Variants in DCDC1 observed in about 807,000 individuals in gnomAD.
DCDC1 encodes the protein doublecortin domain-containing protein 1.
A neutral mutation model predicts 178.3 loss-of-function variants in DCDC1; 200 were observed. That is an observed-to-expected ratio of 1.12 (90% CI 1.00 to 1.26). The LOEUF (loss-of-function observed/expected upper bound fraction) is 1.26. DCDC1 is among the 50% of genes most tolerant of loss of function. DCDC1 has a pLI of 0.00. For synonymous variants in DCDC1, 690 were observed against 604.8 expected (o/e 1.14, Z -2.07); for missense variants, 1,983 against 1,749.2 (o/e 1.13, Z -2.38).
chr11:31,029,613 A>G (rs931293557), intron 20 of DCDC1, among the ~76,000 whole-genome samples: 2 of 152,068 alleles, frequency 1.3e-5, no homozygotes, highest in Admixed American at 6.5e-5. Context: ...TTCTTCTCTC[A>G]CTACTATAAA....
intron 9 of DCDC1, among the ~76,000 whole-genome samples, chr11:31,173,885 T>A (rs1455071200): frequency 1.3e-5 from 2 of 152,140 alleles, no homozygotes; most frequent in Non-Finnish European, 2.9e-5. Context: ...TCATGTGCTG[T>A]CTGTCTAAAT....
intron 20 of DCDC1, 122 bp from the exon 21 acceptor site, chr11:30,952,690 C>T (rs1187477761): frequency 1.4e-5 from 6 of 415,158 alleles, no homozygotes; most frequent in Non-Finnish European, 2.1e-5. Flanking sequence ...AATTAAAAAC[C>T]CAAATCTGAA....
intron 9 of DCDC1, among the ~76,000 whole-genome samples, chr11:31,186,221 C>T (rs1452340028): frequency 2.6e-5 from 4 of 152,164 alleles, no homozygotes; most frequent in Non-Finnish European, 5.9e-5. Context: ...GCCCTCTCCA[C>T]TCTCTCCAAC....
rs189851046 is a variant in DCDC1 at position 30,924,401 on chromosome 11, G to A, written c.2997+908C>T. On this transcript the variant is annotated intron_variant, in intron 23 of 38. Coordinates refer to ENST00000684477, the MANE Select transcript of DCDC1 (RefSeq NM_001387274.1). ...TTCAGGGCCTCAGTTGAGTTCTGACGAAATGGTAGAAGCTTTGTTCTCTGT... is the reference window on the plus strand; with the variant it reads ...TTCAGGGCCTCAGTTGAGTTCTGACAAAATGGTAGAAGCTTTGTTCTCTGT... Among the ~76,000 whole-genome samples the A allele has an allele frequency of 1.2e-3, 186 of 152,220 alleles. 1 individual carries two copies. The highest frequency in any genetic ancestry group is 1.8e-3 in the Non-Finnish European group (123 of 68,008).
At chr11:31,160,415 A>G (rs1966204979) in intron 9 of DCDC1, among the ~76,000 whole-genome samples, 1 of 152,188 alleles carries the variant, frequency 6.6e-6, no homozygotes, top group Non-Finnish European at 1.5e-5. Context: ...TAAATGTTAC[A>G]TGCTTCAGCA....
At chr11:31,198,533 G>A (rs1243199510) in intron 9 of DCDC1, among the ~76,000 whole-genome samples, 1 of 151,872 alleles carries the variant, frequency 6.6e-6, no homozygotes, top group Non-Finnish European at 1.5e-5. Context: ...GATATAGCAG[G>A]GAGCTAAACC....
rs1272331649 is a variant in DCDC1 at position 30,905,069 on chromosome 11, A to T, written c.4200T>A (p.Ser1400=). 1 of 1,613,814 alleles carries T rather than the reference A, an allele frequency of 6.2e-7. No individual in the cohort carries two copies. Among genetic ancestry groups the T allele is most frequent in the East Asian group, 2.2e-5 (1 of 44,870 alleles). The change falls in exon 31 of 39, where the codon TCT becomes TCA. Residue 1400 remains serine, a synonymous_variant. Coordinates refer to ENST00000684477, the MANE Select transcript of DCDC1 (RefSeq NM_001387274.1). The part of the protein sequence containing the change: ...LRMKTCTQAA[S]HSGMAATHQK... ...GGTGTGTGGCTGCCATGCCACTGTG[A>T]GATGCAGCTTGCGTGCAGGTCTTCA...
At chr11:31,103,116 T>C (rs911246564) in intron 14 of DCDC1, among the ~76,000 whole-genome samples, 1 of 152,168 alleles carries the variant, frequency 6.6e-6, no homozygotes, top group African/African-American at 2.4e-5. Context: ...AAAGCCAGTT[T>C]GTATTATTTG....
intron 12 of DCDC1, among the ~76,000 whole-genome samples, chr11:31,107,783 C>T (rs749154462): frequency 4.3e-4 from 65 of 152,134 alleles, no homozygotes; most frequent in Non-Finnish European, 1.0e-4. Flanking sequence ...CTCTTCCTTG[C>T]TCTGCACTCC....
intron 9 of DCDC1, among the ~76,000 whole-genome samples, chr11:31,145,222 T>C (rs1964310189): frequency 1.3e-5 from 2 of 152,156 alleles, no homozygotes; most frequent in Non-Finnish European, 2.9e-5. Context: ...CATATCTGTA[T>C]GCATATGGTG....
chr11:30,984,420 G>A (rs1950539047), intron 20 of DCDC1, among the ~76,000 whole-genome samples: 3 of 152,136 alleles, frequency 2.0e-5, no homozygotes, highest in African/African-American at 7.2e-5. Flanking sequence ...AAAATTCACT[G>A]ATTTTAGTTT....
chr11:31,020,209 T>C (rs1952776722), intron 20 of DCDC1, among the ~76,000 whole-genome samples: 1 of 152,348 alleles, frequency 6.6e-6, no homozygotes, highest in South Asian at 2.1e-4. Context: ...ATTAAATCTT[T>C]ATCTGTACCA....
intron 20 of DCDC1, among the ~76,000 whole-genome samples, chr11:31,048,139 C>G (rs1228352690): frequency 6.6e-6 from 1 of 152,118 alleles, no homozygotes; most frequent in Non-Finnish European, 1.5e-5. Context: ...CTTAGGAGAG[C>G]TAGGACTGGA....
At chr11:31,348,775 A>G (rs187262622) in intron 1 of DCDC1, among the ~76,000 whole-genome samples, 436 of 152,324 alleles carry the variant, frequency 2.9e-3, no homozygotes, top group Non-Finnish European at 3.5e-3. Context: ...CAATAGAGCT[A>G]GTCCAGAAGG....
chr11:31,232,700 G>A (rs1975935118), intron 9 of DCDC1, among the ~76,000 whole-genome samples: 1 of 152,078 alleles, frequency 6.6e-6, no homozygotes, highest in East Asian at 1.9e-4. Context: ...CCTTAGACAA[G>A]GACCTTACTG....
At chr11:31,208,735 G>A (rs796183331) in intron 9 of DCDC1, among the ~76,000 whole-genome samples, 6 of 152,226 alleles carry the variant, frequency 3.9e-5, no homozygotes, top group African/African-American at 1.4e-4. Context: ...GCACCACTCT[G>A]TCCTACACCA....
intron 7 of DCDC1, among the ~76,000 whole-genome samples, chr11:31,269,495 A>G (rs1312833740): frequency 6.6e-6 from 1 of 151,632 alleles, no homozygotes; most frequent in Non-Finnish European, 1.5e-5. Context: ...CAATCCTACT[A>G]GGTCTTCAGC....
At chr11:30,894,469 A>G (rs2134066555) in intron 34 of DCDC1, 85 bp from the exon 35 acceptor site, 1 of 1,551,436 alleles carries the variant, frequency 6.4e-7, no homozygotes, top group South Asian at 1.2e-5. Context: ...CTATGTATAA[A>G]TCGTTCCACA....
At chr11:31,276,798 C>T (rs979575604) in intron 7 of DCDC1, among the ~76,000 whole-genome samples, 1 of 152,048 alleles carries the variant, frequency 6.6e-6, no homozygotes, top group Non-Finnish European at 1.5e-5. Context: ...TAGTAATGAA[C>T]ATAAATATGA....
Sources: gnomAD v4.1 joint callset for allele counts (sites outside exome capture counted in the v4.1 genomes callset) on GRCh38, gnomAD v4.1.1 for gene constraint, MANE v1.5 for transcripts, NCBI Gene and HGNC (gene_info 2026-07-23, HGNC 2026-07-21) for gene names.